Variants in USH2A observed in about 807,000 individuals in gnomAD.
The protein encoded by USH2A is Usher syndrome 2A (autosomal recessive, mild).
In USH2A, 443 loss-of-function variants were observed where a neutral mutation model predicts 538.9. The observed-to-expected ratio is 0.82, with a 90% CI of 0.76 to 0.89. The LOEUF (loss-of-function observed/expected upper bound fraction) is 0.89, where lower values mean the gene tolerates loss of function less well. Among genes scored for constraint, USH2A ranks in the 40% least tolerant of loss-of-function variants. The probability of loss-of-function intolerance (pLI) is 0.00; values close to 1 mark genes in which losing one functional copy is unlikely to be tolerated. For missense variants in USH2A, 6,633 were observed against 6,324.8 expected, an observed-to-expected ratio of 1.05 and a Z score of -1.65; for synonymous variants, 2,413 against 2,273.5, an observed-to-expected ratio of 1.06 and a Z score of -1.75.
At chr1:215,915,632 T>C (rs150473985) in intron 38 of USH2A, among the ~76,000 whole-genome samples, 2,807 of 152,198 alleles carry the variant, frequency 0.018, 39 homozygotes, top group Non-Finnish European at 0.027. Context: ...AGTGTGGTGA[T>C]TCCTCAGGGA....
At chr1:215,731,544 GATACTTCAGGA>G (rs1396543816) in intron 60 of USH2A, among the ~76,000 whole-genome samples, 5 of 152,152 alleles carry the variant, frequency 3.3e-5, no homozygotes. Flanking sequence ...TCATTTGGGA[GATACTTCAGGA>G]ATGTAATTTT....
At chr1:215,952,022 G>A (rs1378343629) in intron 37 of USH2A, among the ~76,000 whole-genome samples, 1 of 150,502 alleles carries the variant, frequency 6.6e-6, no homozygotes, top group Admixed American at 6.6e-5. Context: ...CCGCCACCGC[G>A]CCCGGCTAAT....
chr1:216,057,581 G>C (rs1272078818), intron 30 of USH2A, among the ~76,000 whole-genome samples: 2 of 152,100 alleles, frequency 1.3e-5, no homozygotes, highest in Admixed American at 6.5e-5. Flanking sequence ...CAGCTACTTG[G>C]GAAGCTGAGA....
chr1:216,333,864 C>T (rs188329187), intron 4 of USH2A, among the ~76,000 whole-genome samples: 216 of 152,040 alleles, frequency 1.4e-3, no homozygotes, highest in Admixed American at 2.6e-3. Context: ...TCTAGCAAAA[C>T]TCTCCTTCAA....
intron 38 of USH2A, among the ~76,000 whole-genome samples, chr1:215,907,391 T>G (rs1353157494): frequency 6.6e-6 from 1 of 152,034 alleles, no homozygotes; most frequent in Non-Finnish European, 1.5e-5. Context: ...TCCACTAAAT[T>G]TCCCCATTTC....
chr1:216,397,196 T>G (rs750811430), intron 3 of USH2A, among the ~76,000 whole-genome samples: 2 of 152,246 alleles, frequency 1.3e-5, no homozygotes, highest in Non-Finnish European at 2.9e-5. Context: ...CCTTTTAATT[T>G]CAATTGTAAC....
At chr1:216,348,181 T>C (rs1053059884) in intron 4 of USH2A, among the ~76,000 whole-genome samples, 1 of 152,196 alleles carries the variant, frequency 6.6e-6, no homozygotes, top group South Asian at 2.1e-4. Context: ...TTGTGAGTAT[T>C]CTTAACTTAT....
chr1:215,987,194 T>C (rs1667890965), intron 35 of USH2A, among the ~76,000 whole-genome samples: 1 of 152,130 alleles, frequency 6.6e-6, no homozygotes, highest in Non-Finnish European at 1.5e-5. Flanking sequence ...TATTTCAGGA[T>C]TCTAAGGCCT....
chr1:216,014,408 A>G (rs1386823386), intron 32 of USH2A, among the ~76,000 whole-genome samples: 3 of 152,372 alleles, frequency 2.0e-5, no homozygotes, highest in East Asian at 3.9e-4. Flanking sequence ...CAAAGAGGAA[A>G]GTAATGACAA....
rs2038412304 is a variant in USH2A, at chr1:216,357,562, C to T, written c.784+7391G>A. On this transcript the variant is annotated intron_variant, in intron 4 of 71. Coordinates refer to ENST00000307340, the MANE Select transcript of USH2A (RefSeq NM_206933.4). ...AGAAAGGAAGGCAAGTAGGAGTTAGCTTTAGACGATGATCCTTTTCTTCCC... is the reference window on the plus strand; with the variant it reads ...AGAAAGGAAGGCAAGTAGGAGTTAGTTTTAGACGATGATCCTTTTCTTCCC... Among the ~76,000 whole-genome samples the T allele has an allele frequency of 1.3e-5, 2 of 152,102 alleles. 1 individual carries two copies. The highest frequency in any genetic ancestry group is 4.1e-4 in the South Asian group (2 of 4,826).
intron 47 of USH2A, among the ~76,000 whole-genome samples, chr1:215,828,189 T>A (rs1282680740): frequency 6.6e-6 from 1 of 152,120 alleles, no homozygotes; most frequent in African/African-American, 2.4e-5. Context: ...GTGGGTCACA[T>A]CTGTAATACC....
At chr1:216,137,942 T>A (rs1449919974) in intron 21 of USH2A, among the ~76,000 whole-genome samples, 2 of 152,102 alleles carry the variant, frequency 1.3e-5, no homozygotes, top group African/African-American at 2.4e-5. Context: ...CAACTTAAAA[T>A]AACATATTTT....
At chr1:216,317,341 A>G (rs1370298409) in intron 9 of USH2A, among the ~76,000 whole-genome samples, 2 of 152,162 alleles carry the variant, frequency 1.3e-5, no homozygotes, top group African/African-American at 4.8e-5. Context: ...GATCCGAATT[A>G]TGAGAACACA....
chr1:215,899,696 A>G (rs952146505), intron 40 of USH2A, among the ~76,000 whole-genome samples: 2 of 152,168 alleles, frequency 1.3e-5, no homozygotes, highest in African/African-American at 4.8e-5. Context: ...CTCATGAAGT[A>G]AGGTCCATAT....
At chr1:216,319,124 C>T (rs922325143) in intron 9 of USH2A, among the ~76,000 whole-genome samples, 1 of 152,108 alleles carries the variant, frequency 6.6e-6, no homozygotes, top group African/African-American at 2.4e-5. Flanking sequence ...AGGTGCCCTG[C>T]TAAATTCATC....
rs2038688830 is a variant in USH2A at position 216,370,517 on chromosome 1, T to TA, written c.652-5433dup. Among the ~76,000 whole-genome samples, 3 of 150,352 alleles carry TA rather than the reference T, an allele frequency of 2.0e-5. No individual in the cohort carries two copies. In the South Asian group the frequency reaches 6.3e-4, roughly 32 times the overall value. Reference sequence around the variant, plus strand: ...CAAGATGGTGAAACCCTGTCCCTGCTAAAAATACAAAAATTAGCTGGGTAT... The same window carrying TA: ...CAAGATGGTGAAACCCTGTCCCTGCTAAAAAATACAAAAATTAGCTGGGTAT... On this transcript the variant is annotated intron_variant, in intron 3 of 71. Coordinates refer to ENST00000307340, the MANE Select transcript of USH2A (RefSeq NM_206933.4).
Position 215,888,408 on chromosome 1 carries a change from G to T in USH2A, c.8223+18C>A. Reference sequence around the variant, plus strand: ...CATTCCTAAGTCTGCAAAGGAGAGAGAATAGTCAGTATCTTACCTGGACTG... The same window carrying T: ...CATTCCTAAGTCTGCAAAGGAGAGATAATAGTCAGTATCTTACCTGGACTG... On this transcript the variant is annotated intron_variant, in intron 41 of 71. Transcript: ENST00000307340. The T allele has an allele frequency of 6.2e-7, 1 of 1,612,116 alleles. No homozygotes were observed.
At chr1:215,710,154 T>C (rs1353016942) in intron 61 of USH2A, among the ~76,000 whole-genome samples, 2 of 152,200 alleles carry the variant, frequency 1.3e-5, no homozygotes, top group Non-Finnish European at 2.9e-5. Flanking sequence ...ATTTTAACAA[T>C]TGTGCAAGTG....
At chr1:215,801,382 A>T (rs140308795) in intron 49 of USH2A, among the ~76,000 whole-genome samples, 2 of 148,650 alleles carry the variant, frequency 1.3e-5, no homozygotes, top group East Asian at 3.9e-4. Flanking sequence ...TATAGAGAAA[A>T]CTATAAAGAT....
Sources: gnomAD v4.1 joint callset for allele counts (sites outside exome capture counted in the v4.1 genomes callset) on GRCh38, gnomAD v4.1.1 for gene constraint, MANE v1.5 for transcripts, NCBI Gene and HGNC (gene_info 2026-07-23, HGNC 2026-07-21) for gene names.